Variants in ASH2L observed in about 807,000 individuals in gnomAD.
The protein encoded by ASH2L is set1/Ash2 histone methyltransferase complex subunit ASH2.
Under a neutral mutation model 81.1 loss-of-function variants are expected in ASH2L, and 30 were observed. That is an observed-to-expected ratio of 0.37 (90% confidence interval 0.28 to 0.50). ASH2L has a LOEUF of 0.50. Among genes scored for constraint, ASH2L ranks in the 20% least tolerant of loss-of-function variants. ASH2L has a pLI of 0.95. For synonymous variants in ASH2L, 273 were observed against 279.9 expected, an observed-to-expected ratio of 0.98 and a Z score of 0.24; for missense variants, 559 against 792.1, an observed-to-expected ratio of 0.71 and a Z score of 3.53.
At chr8:38,131,220 C>A (rs898227980) in intron 12 of ASH2L, among the ~76,000 whole-genome samples, 1 of 152,124 alleles carries the variant, frequency 6.6e-6, no homozygotes, top group Non-Finnish European at 1.5e-5. Context: ...ACCATCCTGC[C>A]TCCCGGAACT....
At chr8:38,121,344 T>TAG (rs1811140441) in intron 10 of ASH2L, among the ~76,000 whole-genome samples, 195 bp downstream of exon 10, 1 of 90,544 alleles carries the variant, frequency 1.1e-5, no homozygotes, top group Admixed American at 1.1e-4. Context: ...TATATATATA[T>TAG]ATATATATAT....
At chr8:38,120,287 G>A (rs1811081571) in intron 9 of ASH2L, among the ~76,000 whole-genome samples, 1 of 152,176 alleles carries the variant, frequency 6.6e-6, no homozygotes, top group Non-Finnish European at 1.5e-5. Flanking sequence ...AGAAAGGATA[G>A]GTGGGGAGGG....
At chr8:38,119,216 C>A (rs772290474) in intron 8 of ASH2L, 54 bp from the exon 9 acceptor site, 35 of 1,481,346 alleles carry the variant, frequency 2.4e-5, no homozygotes, top group Non-Finnish European at 3.0e-5. Flanking sequence ...ATTTCAGTAT[C>A]CACATGGTGT....
chr8:38,123,858 G>GT (rs1270886749), intron 10 of ASH2L, among the ~76,000 whole-genome samples: 7 of 151,956 alleles, frequency 4.6e-5, no homozygotes, highest in South Asian at 4.2e-4. Context: ...CTGTTTCTGT[G>GT]TTTTTTTGGT....
chr8:38,132,143 G>A (rs114113297), intron 12 of ASH2L, among the ~76,000 whole-genome samples: 1,544 of 152,136 alleles, frequency 0.01, 37 homozygotes, highest in African/African-American at 0.034. Context: ...CACTGCGCTC[G>A]GCCACATGTG....
chr8:38,128,721 A>T (rs1000899468), intron 11 of ASH2L, 37 bp from the exon 12 acceptor site: 1 of 1,579,980 alleles, frequency 6.3e-7, no homozygotes, highest in African/African-American at 1.4e-5. Flanking sequence ...TTGACTTGCA[A>T]TCTTCTGACT....
intron 10 of ASH2L, among the ~76,000 whole-genome samples, chr8:38,126,369 A>G (rs1801844641): frequency 6.6e-6 from 1 of 152,198 alleles, no homozygotes; most frequent in Admixed American, 6.5e-5. Flanking sequence ...TGTGGAATCT[A>G]GGATTAGAAC....
chr8:38,126,603 C>T (rs558792942), intron 10 of ASH2L, among the ~76,000 whole-genome samples: 1 of 152,068 alleles, frequency 6.6e-6, no homozygotes, highest in Non-Finnish European at 1.5e-5. Flanking sequence ...GCCTGTAATC[C>T]CAGCACTTTG....
At chr8:38,136,375 G>GTTTT (rs10674457) in intron 14 of ASH2L, among the ~76,000 whole-genome samples, 10 of 145,606 alleles carry the variant, frequency 6.9e-5, no homozygotes, top group Admixed American at 6.9e-5. Flanking sequence ...CATCTGGCAA[G>GTTTT]TTTTTTTTTT....
intron 9 of ASH2L, among the ~76,000 whole-genome samples, chr8:38,119,825 AT>A (rs1811062873): frequency 1.3e-5 from 2 of 150,354 alleles, no homozygotes; most frequent in East Asian, 2.0e-4. Flanking sequence ...AAAAACAAAA[AT>A]AATAACCCCA....
intron 10 of ASH2L, among the ~76,000 whole-genome samples, chr8:38,127,379 C>G (rs1801891821): frequency 6.6e-6 from 1 of 150,844 alleles, no homozygotes; most frequent in African/African-American, 2.4e-5. Flanking sequence ...AATTAAGTTC[C>G]AAACTCATCA....
chr8:38,113,998 G>A (rs1420957305), intron 5 of ASH2L, among the ~76,000 whole-genome samples, 194 bp from the exon 6 acceptor site: 2 of 152,162 alleles, frequency 1.3e-5, no homozygotes, highest in Non-Finnish European at 2.9e-5. Flanking sequence ...CATAATCTGT[G>A]TATTGTGTGT....
intron 3 of ASH2L, 23 bp from the exon 4 acceptor site, chr8:38,110,356 C>A: frequency 6.4e-7 from 1 of 1,561,936 alleles, no homozygotes; most frequent in Non-Finnish European, 8.8e-7. Context: ...TTCACTAATT[C>A]GTATAATTTG....
chr8:38,111,305 C>G (rs1041405596), intron 5 of ASH2L, among the ~76,000 whole-genome samples: 11 of 152,114 alleles, frequency 7.2e-5, no homozygotes, highest in Admixed American at 7.2e-4. Flanking sequence ...CTCACTGCAG[C>G]CTTGACCTCC....
At position 38,138,613 on chromosome 8, in the gene ASH2L, A is replaced by G. The variant is rs1212396460; in HGVS notation, c.1720-203A>G. ...TTTTTCTTTGACAACAGAAATCAAC[A>G]CAGATCTCTTTTAGTTACCTAATTC... On this transcript the variant is annotated intron_variant, in intron 14 of 15. Transcript: ENST00000343823. The G allele has an allele frequency of 2.7e-5, 14 of 525,132 alleles. No individual in the cohort carries two copies. In the East Asian group the frequency reaches 3.4e-4, roughly 13 times the overall value. 32.5% of individuals were successfully genotyped at this position (525,132 alleles called of 1,614,324 possible).
At chr8:38,107,200 T>C in intron 3 of ASH2L, 34 bp downstream of exon 3, 1 of 1,610,374 alleles carries the variant, frequency 6.2e-7, no homozygotes, top group South Asian at 1.1e-5. Context: ...TGAGAATTGC[T>C]CGGTAAAATA....
At chr8:38,108,892 C>T (rs988444122) in intron 3 of ASH2L, among the ~76,000 whole-genome samples, 1 of 152,058 alleles carries the variant, frequency 6.6e-6, no homozygotes, top group African/African-American at 2.4e-5. Context: ...CTAGCCTAGG[C>T]AACATAGTGA....
intron 7 of ASH2L, among the ~76,000 whole-genome samples, chr8:38,116,302 G>A (rs767554461): frequency 2.6e-5 from 4 of 152,072 alleles, no homozygotes; most frequent in Non-Finnish European, 4.4e-5. Context: ...GTAGGCAGAG[G>A]TTGCAGTAAG....
intron 14 of ASH2L, 59 bp downstream of exon 14, chr8:38,135,825 G>A (rs1431976648): frequency 7.4e-7 from 1 of 1,349,218 alleles, no homozygotes; most frequent in African/African-American, 1.5e-5. Context: ...AATGGGTTGT[G>A]ATGACAAAGT....
Sources: gnomAD v4.1 joint callset for allele counts (sites outside exome capture counted in the v4.1 genomes callset) on GRCh38, gnomAD v4.1.1 for gene constraint, MANE v1.5 for transcripts, NCBI Gene and HGNC (gene_info 2026-07-23, HGNC 2026-07-21) for gene names.